EPHB1: variants seen among roughly 807,000 people sequenced by gnomAD.
EPHB1 encodes ephrin type-B receptor 1.
Under a neutral mutation model 94.4 loss-of-function variants are expected in EPHB1, and 30 were observed. The ratio of observed to expected loss-of-function variants is 0.32; its 90% confidence interval spans 0.24 to 0.43. The LOEUF (loss-of-function observed/expected upper bound fraction) is 0.43. EPHB1 is among the 20% of genes least tolerant of loss of function. EPHB1 has a pLI of 1.00. For missense variants in EPHB1, 1,055 were observed against 1,308.3 expected (o/e 0.81, Z 2.99); for synonymous variants, 522 against 489.1 (o/e 1.07, Z -0.89).
intron 5 of EPHB1, among the ~76,000 whole-genome samples, chr3:135,152,933 G>T (rs1243696741): frequency 6.6e-6 from 1 of 152,130 alleles, no homozygotes; most frequent in African/African-American, 2.4e-5. Context: ...TGCCTTCAAG[G>T]TCCCAGAGGA....
intron 11 of EPHB1, among the ~76,000 whole-genome samples, chr3:135,193,567 C>T (rs1942516793): frequency 6.6e-6 from 1 of 152,138 alleles, no homozygotes; most frequent in Admixed American, 6.5e-5. Flanking sequence ...ATAGCTTCAG[C>T]CAGGAAGCAG....
chr3:135,168,938 C>T (rs558782935), intron 9 of EPHB1, among the ~76,000 whole-genome samples: 26 of 152,264 alleles, frequency 1.7e-4, no homozygotes, highest in Admixed American at 1.0e-3. Context: ...TTTCCAAAAG[C>T]GTGCAAGCCA....
intron 12 of EPHB1, among the ~76,000 whole-genome samples, chr3:135,230,735 G>A (rs953239477): frequency 6.6e-6 from 1 of 152,022 alleles, no homozygotes; most frequent in Non-Finnish European, 1.5e-5. Flanking sequence ...CTCACCTCTA[G>A]TAGTCTGCGG....
intron 1 of EPHB1, among the ~76,000 whole-genome samples, chr3:134,872,628 G>A (rs981479547): frequency 1.3e-5 from 2 of 152,218 alleles, no homozygotes; most frequent in African/African-American, 4.8e-5. Context: ...GGACAGAACA[G>A]TGCTTTCTTG....
intron 12 of EPHB1, among the ~76,000 whole-genome samples, chr3:135,232,549 A>G (rs1217766133): frequency 1.3e-5 from 2 of 152,308 alleles, no homozygotes; most frequent in East Asian, 3.9e-4. Flanking sequence ...CTTTATCTCA[A>G]TTTGCCCTCC....
At chr3:134,844,295 T>C (rs2036829731) in intron 1 of EPHB1, among the ~76,000 whole-genome samples, 1 of 152,232 alleles carries the variant, frequency 6.6e-6, no homozygotes, top group South Asian at 2.1e-4. Context: ...TGTGTGTAGG[T>C]AGGAAAGCAC....
At position 134,904,892 on chromosome 3, in the gene EPHB1, C is replaced by T. The variant is rs190481416; in HGVS notation, c.59-20924C>T. On this transcript the variant is annotated intron_variant, in intron 1 of 15. Coordinates refer to ENST00000398015, the MANE Select transcript of EPHB1 (RefSeq NM_004441.5). ...TCTTGTTTGGGTCTGCTATGCCTAG[C>T]TCTTTTACTTCTCTGCTTTAACCAG... 5.5e-3 allele frequency among the ~76,000 whole-genome samples: 839 copies of T among 152,198 alleles called. 7 individuals are homozygous for T. The highest frequency in any genetic ancestry group is 8.6e-3 in the Non-Finnish European group (585 of 68,036).
At chr3:135,083,702 T>C (rs1938241090) in intron 3 of EPHB1, among the ~76,000 whole-genome samples, 1 of 152,054 alleles carries the variant, frequency 6.6e-6, no homozygotes, top group South Asian at 2.1e-4. Flanking sequence ...CACCTGCTGT[T>C]CTCCTATTTT....
At chr3:134,987,685 C>T (rs1411817133) in intron 3 of EPHB1, among the ~76,000 whole-genome samples, 1 of 152,134 alleles carries the variant, frequency 6.6e-6, no homozygotes, top group Admixed American at 6.5e-5. Context: ...GCAGGAGAAC[C>T]GCTTGAACCC....
intron 2 of EPHB1, among the ~76,000 whole-genome samples, chr3:134,942,791 T>A (rs1011771538): frequency 8.5e-5 from 13 of 152,228 alleles, no homozygotes; most frequent in African/African-American, 3.1e-4. Flanking sequence ...ATTCCAGTGT[T>A]GTGAAGCTAA....
chr3:135,059,868 G>A lies in EPHB1; in HGVS notation c.806-46580G>A, dbSNP rs145370439. Among the ~76,000 whole-genome samples the A allele has an allele frequency of 2.5e-3, 382 of 152,192 alleles. 1 individual carries two copies. The highest frequency in any genetic ancestry group is 8.6e-3 in the African/African-American group (357 of 41,508). On this transcript the variant is annotated intron_variant, in intron 3 of 15. Transcript: ENST00000398015. ...CCCCATGGCCCGTTTGGGCCTCAGCGTGCCGATGTAAGAGATGAGAATCCA... is the reference window on the plus strand; with the variant it reads ...CCCCATGGCCCGTTTGGGCCTCAGCATGCCGATGTAAGAGATGAGAATCCA...
At chr3:135,056,244 C>T (rs1937343754) in intron 3 of EPHB1, among the ~76,000 whole-genome samples, 1 of 152,112 alleles carries the variant, frequency 6.6e-6, no homozygotes, top group South Asian at 2.1e-4. Context: ...AGGTAAGGCT[C>T]CCTTCTGTGG....
At chr3:135,018,186 C>T (rs1263814062) in intron 3 of EPHB1, among the ~76,000 whole-genome samples, 4 of 152,142 alleles carry the variant, frequency 2.6e-5, no homozygotes, top group Non-Finnish European at 5.9e-5. Context: ...TCCAAGCAGG[C>T]CCCGTGATCA....
chr3:135,061,843 C>A (rs565187039), intron 3 of EPHB1, among the ~76,000 whole-genome samples: 1 of 152,028 alleles, frequency 6.6e-6, no homozygotes. Flanking sequence ...TGAGAACATG[C>A]GGTGTTTGGT....
chr3:134,949,919 T>C (rs1482314770), intron 2 of EPHB1, among the ~76,000 whole-genome samples: 1 of 152,106 alleles, frequency 6.6e-6, no homozygotes, highest in East Asian at 1.9e-4. Flanking sequence ...AGAGCTCAGT[T>C]AAGGGAACCA....
At chr3:135,048,268 T>C (rs974765729) in intron 3 of EPHB1, among the ~76,000 whole-genome samples, 9 of 133,402 alleles carry the variant, frequency 6.7e-5, no homozygotes, top group African/African-American at 1.4e-4. Flanking sequence ...TCTTTTTTTT[T>C]TTTTTTTTTT....
intron 15 of EPHB1, among the ~76,000 whole-genome samples, chr3:135,258,022 C>T (rs948419725): frequency 6.6e-6 from 1 of 152,186 alleles, no homozygotes; most frequent in Non-Finnish European, 1.5e-5. Context: ...AAGGGAACTC[C>T]CTGACCCCTT....
intron 3 of EPHB1, among the ~76,000 whole-genome samples, chr3:135,098,725 A>C (rs1252100735): frequency 6.6e-6 from 1 of 152,030 alleles, no homozygotes; most frequent in Non-Finnish European, 1.5e-5. Context: ...AAGAATCCAC[A>C]CTTTGACCGA....
intron 1 of EPHB1, among the ~76,000 whole-genome samples, chr3:134,848,460 A>G (rs1461614582): frequency 6.6e-6 from 1 of 152,252 alleles, no homozygotes; most frequent in East Asian, 1.9e-4. Flanking sequence ...GGATAATAAA[A>G]TGGAAATTTT....
Sources: allele counts gnomAD v4.1 joint callset (sites outside exome capture counted in the v4.1 genomes callset), GRCh38; gene constraint gnomAD v4.1.1; transcripts MANE v1.5; gene names NCBI Gene and HGNC (gene_info 2026-07-23, HGNC 2026-07-21).